PCDHA12: variants seen among roughly 807,000 people sequenced by gnomAD.
PCDHA12 encodes the protein protocadherin alpha 12, also known as protocadherin alpha-12.
A neutral mutation model predicts 60.0 loss-of-function variants in PCDHA12; 44 were observed. The ratio of observed to expected loss-of-function variants is 0.73; its 90% confidence interval spans 0.58 to 0.94. The LOEUF (loss-of-function observed/expected upper bound fraction) is 0.94, where lower values mean the gene tolerates loss of function less well. Ranked by LOEUF, PCDHA12 falls within the 40% of genes least tolerant of loss-of-function variation. PCDHA12 has a pLI of 0.00. For missense variants in PCDHA12, 1,276 were observed against 1,239.7 expected, an observed-to-expected ratio of 1.03 and a Z score of -0.44; for synonymous variants, 569 against 553.0, an observed-to-expected ratio of 1.03 and a Z score of -0.40.
intron 1 of PCDHA12, among the ~76,000 whole-genome samples, chr5:140,974,081 C>T (rs1432185201): frequency 6.6e-6 from 1 of 152,196 alleles, no homozygotes; most frequent in African/African-American, 2.4e-5. Context: ...ATAACCATGA[C>T]TTCAAAAATC....
chr5:140,983,275 A>C (rs1279699182), intron 3 of PCDHA12, among the ~76,000 whole-genome samples: 1 of 152,230 alleles, frequency 6.6e-6, no homozygotes, highest in Non-Finnish European at 1.5e-5. Flanking sequence ...TGGCTGGGTG[A>C]GTATAGGAAA....
At chr5:140,989,928 A>T (rs2097366853) in intron 3 of PCDHA12, among the ~76,000 whole-genome samples, 1 of 152,032 alleles carries the variant, frequency 6.6e-6, no homozygotes, top group African/African-American at 2.4e-5. Context: ...GCAGAGATAG[A>T]TGACATTCCA....
At chr5:140,991,505 G>T (rs2097456335) in intron 3 of PCDHA12, among the ~76,000 whole-genome samples, 1 of 152,180 alleles carries the variant, frequency 6.6e-6, no homozygotes, top group Admixed American at 6.5e-5. Context: ...AGTTTCACTG[G>T]CTAAAATCAA....
intron 1 of PCDHA12, among the ~76,000 whole-genome samples, chr5:140,913,757 T>C (rs577091404): frequency 6.6e-6 from 1 of 152,282 alleles, no homozygotes; most frequent in South Asian, 2.1e-4. Context: ...TTGTATCTCA[T>C]AGGTTTTGGC....
In PCDHA12 at chr5:140,976,792, T is replaced by C. The variant is rs982135806; in HGVS notation, c.2368-2157T>C. 2.1e-4 allele frequency among the ~76,000 whole-genome samples: 32 copies of C among 152,216 alleles called. 1 individual carries two copies. The highest frequency in any genetic ancestry group is 1.0e-3 in the Admixed American group (16 of 15,274). ...AGACTCTGACTATATAGCTACGCTT[T>C]TATGAATATCTGAAGATATGCATGT... On this transcript the variant is annotated intron_variant, in intron 1 of 3. Coordinates refer to ENST00000398631, the MANE Select transcript of PCDHA12 (RefSeq NM_018903.4).
rs73266040 is a variant in PCDHA12 at position 140,926,675 on chromosome 5, C to G, written c.2367+48836C>G. 1.5e-3 allele frequency: 923 copies of G among 601,544 alleles called. 7 individuals carry two copies. The African/African-American group carries it at 0.016, about 11-fold the overall frequency. The allele number at this position is 601,544 out of a possible 1,614,324, so 37.3% of individuals were successfully genotyped here. ...TCCGCTTTCCCAGACGGCTGCCCAG[C>G]CTCCAGCCTAGCAAGCCCGGCTCCC... On this transcript the variant is annotated intron_variant, in intron 1 of 3. Coordinates refer to ENST00000398631, the MANE Select transcript of PCDHA12 (RefSeq NM_018903.4).
chr5:140,962,155 G>A (rs977043867), intron 1 of PCDHA12, among the ~76,000 whole-genome samples: 8 of 152,060 alleles, frequency 5.3e-5, no homozygotes, highest in South Asian at 2.1e-4. Flanking sequence ...GATTACAGGC[G>A]TGAGCCACCA....
At chr5:140,948,271 T>C (rs1295867135) in intron 1 of PCDHA12, among the ~76,000 whole-genome samples, 4 of 151,646 alleles carry the variant, frequency 2.6e-5, no homozygotes, top group Non-Finnish European at 5.9e-5. Flanking sequence ...TCATGTAGAA[T>C]ATCTGTAAAT....
intron 1 of PCDHA12, among the ~76,000 whole-genome samples, chr5:140,893,446 A>C (rs1305001651): frequency 6.6e-6 from 1 of 152,132 alleles, no homozygotes; most frequent in Non-Finnish European, 1.5e-5. Flanking sequence ...TGAAGCCAGG[A>C]GTTCAAGACC....
chr5:140,899,407 T>C (rs1183210224), intron 1 of PCDHA12, among the ~76,000 whole-genome samples: 2 of 152,226 alleles, frequency 1.3e-5, no homozygotes, highest in Non-Finnish European at 2.9e-5. Context: ...TGAAGGGTTG[T>C]TGAATTTTGT....
chr5:140,919,455 ATGT>A (rs2079137711), intron 1 of PCDHA12, among the ~76,000 whole-genome samples: 1 of 152,118 alleles, frequency 6.6e-6, no homozygotes, highest in Admixed American at 6.5e-5. Flanking sequence ...TATTCACATG[ATGT>A]TACTATTGAT....
intron 3 of PCDHA12, among the ~76,000 whole-genome samples, chr5:140,984,861 C>T (rs1163314869): frequency 6.6e-6 from 1 of 151,870 alleles, no homozygotes; most frequent in Non-Finnish European, 1.5e-5. Flanking sequence ...ATAATAACAC[C>T]TATTTTATTG....
At chr5:140,878,451 T>A (rs2057595888) in intron 1 of PCDHA12, among the ~76,000 whole-genome samples, 1 of 152,250 alleles carries the variant, frequency 6.6e-6, no homozygotes, top group Non-Finnish European at 1.5e-5. Context: ...CTTATTTACA[T>A]GAAATATAAT....
intron 1 of PCDHA12, among the ~76,000 whole-genome samples, chr5:140,965,292 C>T (rs1305794672): frequency 6.6e-6 from 1 of 152,152 alleles, no homozygotes; most frequent in Non-Finnish European, 1.5e-5. Flanking sequence ...GAAAGATTTC[C>T]TCTGATCCTT....
intron 1 of PCDHA12, among the ~76,000 whole-genome samples, chr5:140,905,788 G>T (rs1217429620): frequency 2.6e-5 from 4 of 152,046 alleles, no homozygotes; most frequent in Non-Finnish European, 4.4e-5. Flanking sequence ...ATTAGTCAGG[G>T]TTCTCTAGAG....
Position 141,010,415 on chromosome 5 carries a change from C to T in PCDHA12, c.*478C>T. ...ACGAGCCAGCTTAGACTAATTGGTA[C>T]AAGGAAGGCAAGAAAACAAAGACAA... On this transcript the variant is annotated 3_prime_UTR_variant, in exon 4 of 4. Transcript: ENST00000398631. 1 of 1,160,734 alleles carries T rather than the reference C, an allele frequency of 8.6e-7. No homozygotes were observed. 71.9% of individuals were successfully genotyped at this position (1,160,734 alleles called of 1,614,324 possible).
chr5:140,928,185 C>T (rs371901224), intron 1 of PCDHA12: 1 of 1,614,064 alleles, frequency 6.2e-7, no homozygotes, highest in Non-Finnish European at 8.5e-7. Flanking sequence ...GAAGGACAAT[C>T]ACTGTGTCAG....
At chr5:140,949,721 A>G (rs1466646683) in intron 1 of PCDHA12, among the ~76,000 whole-genome samples, 1 of 151,690 alleles carries the variant, frequency 6.6e-6, no homozygotes, top group East Asian at 1.9e-4. Context: ...CATTTTGATA[A>G]TATCTGCTTT....
intron 2 of PCDHA12, 179 bp from the exon 3 acceptor site, chr5:140,982,296 C>G (rs886254601): frequency 8.6e-7 from 1 of 1,167,014 alleles, no homozygotes; most frequent in African/African-American, 1.5e-5. Context: ...AGTAAGTCAG[C>G]AATGCTTCTG....
Sources: allele counts gnomAD v4.1 joint callset (sites outside exome capture counted in the v4.1 genomes callset), GRCh38; gene constraint gnomAD v4.1.1; transcripts MANE v1.5; gene names NCBI Gene and HGNC (gene_info 2026-07-23, HGNC 2026-07-21).